Variants in VPS13D observed in about 807,000 individuals in gnomAD.
VPS13D encodes intermembrane lipid transfer protein VPS13D.
A neutral mutation model predicts 461.9 loss-of-function variants in VPS13D; 187 were observed. That is an observed-to-expected ratio of 0.40 (90% confidence interval 0.36 to 0.46). VPS13D has a LOEUF of 0.46. Among genes scored for constraint, VPS13D ranks in the 20% least tolerant of loss-of-function variants. The pLI is 0.60. For synonymous variants in VPS13D, 1,951 were observed against 1,986.3 expected (o/e 0.98, Z 0.47); for missense variants, 4,711 against 5,364.9 (o/e 0.88, Z 3.81).
At chr1:12,346,279 A>G (rs1643674043) in intron 43 of VPS13D, among the ~76,000 whole-genome samples, 1 of 152,046 alleles carries the variant, frequency 6.6e-6, no homozygotes, top group African/African-American at 2.4e-5. Context: ...ACAAAAAAAC[A>G]AAAACAAAAA....
chr1:12,263,706 TA>T (rs2101300685), intron 13 of VPS13D, among the ~76,000 whole-genome samples: 1 of 152,352 alleles, frequency 6.6e-6, no homozygotes, highest in African/African-American at 2.4e-5. Flanking sequence ...TGATTTTTTT[TA>T]AAAAGCCAGT....
intron 24 of VPS13D, among the ~76,000 whole-genome samples, chr1:12,294,805 C>T (rs537075443): frequency 4.0e-5 from 6 of 151,812 alleles, no homozygotes; most frequent in Middle Eastern, 6.8e-3. Context: ...AGCGAGACTC[C>T]GTCTCAAAAA....
At chr1:12,293,243 T>G (rs750972128) in intron 23 of VPS13D, among the ~76,000 whole-genome samples, 1 of 152,206 alleles carries the variant, frequency 6.6e-6, no homozygotes, top group Non-Finnish European at 1.5e-5. Context: ...AATACTTACC[T>G]TTCAGGGCAG....
chr1:12,322,647 G>T lies in VPS13D; in HGVS notation c.7816G>T (p.Ala2606Ser), dbSNP rs143611843. Reference sequence around the variant, plus strand: ...TAATGCTGCAGTGCCAGACTCAGTGGCCCTGGAGTCAGACTCCGTTGGCAC... The same window carrying T: ...TAATGCTGCAGTGCCAGACTCAGTGTCCCTGGAGTCAGACTCCGTTGGCAC... Reference protein sequence around the residue: ...QANAAVPDSVALESDSVGTYL... With the variant: ...QANAAVPDSVSLESDSVGTYL... The change falls in exon 34 of 70, where the codon GCC becomes TCC. Residue 2606 changes from alanine to serine, a missense_variant. By Grantham distance (99) the Ala-to-Ser change is moderately conservative. Coordinates refer to ENST00000620676, the MANE Select transcript of VPS13D (RefSeq NM_015378.4). 1.2e-6 allele frequency: 2 copies of T among 1,614,096 alleles called. No homozygotes were observed. Among genetic ancestry groups the T allele is most frequent in the Non-Finnish European group, 1.7e-6 (2 of 1,180,038 alleles).
chr1:12,247,404 G>A (rs1348187706), intron 5 of VPS13D, among the ~76,000 whole-genome samples: 3 of 145,476 alleles, frequency 2.1e-5, no homozygotes, highest in Non-Finnish European at 3.0e-5. Context: ...GCGACAAAGC[G>A]AGACTCCATC....
At chr1:12,270,923 A>AT in intron 16 of VPS13D, 71 bp from the exon 17 acceptor site, 4 of 1,574,006 alleles carry the variant, frequency 2.5e-6, no homozygotes, top group Non-Finnish European at 3.5e-6. Context: ...CTTGGTGAGA[A>AT]TTGATGTAGC....
In VPS13D at chr1:12,356,602, G is replaced by A. The variant is rs79773061; in HGVS notation, c.9998+78G>A. 2,811 of 1,531,564 alleles carry A rather than the reference G, an allele frequency of 1.8e-3. 37 individuals are homozygous for A. The African/African-American group carries it at 0.034, about 19-fold the overall frequency. The allele number at this position is 1,531,564 out of a possible 1,614,324, so 94.9% of individuals were successfully genotyped here. A position where few individuals can be genotyped will look rare whatever the true frequency, so the allele number is the denominator to read the frequency against. On this transcript the variant is annotated intron_variant, in intron 49 of 69. Transcript: ENST00000620676. The stretch of plus-strand genomic sequence containing the variant: ...AATTAGTAAAGGCTATAATATATCC[G>A]TGTAAGTAGAAATATACTGTAGATA...
chr1:12,351,144 C>T (rs1049250449), intron 46 of VPS13D, among the ~76,000 whole-genome samples: 3 of 152,168 alleles, frequency 2.0e-5, no homozygotes, highest in African/African-American at 7.2e-5. Flanking sequence ...TACACAAGAT[C>T]TCTCAGAAAA....
At chr1:12,321,296 A>G (rs964562667) in intron 32 of VPS13D, among the ~76,000 whole-genome samples, 1 of 152,194 alleles carries the variant, frequency 6.6e-6, no homozygotes, top group Non-Finnish European at 1.5e-5. Flanking sequence ...ATAATCATAT[A>G]TGATTTCTGA....
chr1:12,233,098 C>T (rs1196351980), intron 1 of VPS13D, among the ~76,000 whole-genome samples: 1 of 151,814 alleles, frequency 6.6e-6, no homozygotes, highest in African/African-American at 2.4e-5. Flanking sequence ...CTCTGCCTCC[C>T]GGGTTCAAGG....
Position 12,335,792 on chromosome 1 carries a change from T to C in VPS13D, c.8516T>C (p.Met2839Thr), listed in dbSNP as rs1029286239. Residue 2839 changes from methionine to threonine, a missense_variant, in exon 39 of 70, where the codon ATG (methionine) becomes ACG (threonine). Met to Thr is a moderately conservative substitution (Grantham distance 81, BLOSUM62 -1). Transcript: ENST00000620676. ...DIESAKSEDW[M>T]GSSVDPPCFG... ...GAGTCAGCTAAATCAGAAGACTGGA[T>C]GGGCTCTTCGGTGGATCCTCCATGT... is the stretch of plus-strand genomic sequence containing the variant. 1 of 1,614,206 alleles carries C rather than the reference T, an allele frequency of 6.2e-7. No individual in the cohort carries two copies. The highest frequency in any genetic ancestry group is 1.1e-5 in the South Asian group (1 of 91,086).
chr1:12,476,868 C>T (rs1186564441), intron 67 of VPS13D, among the ~76,000 whole-genome samples: 1 of 152,216 alleles, frequency 6.6e-6, no homozygotes, highest in East Asian at 1.9e-4. Flanking sequence ...CAGCTCCAAA[C>T]ACAGTAGACA....
chr1:12,479,789 AG>A (rs1645689261), intron 67 of VPS13D, among the ~76,000 whole-genome samples: 1 of 152,234 alleles, frequency 6.6e-6, no homozygotes, highest in African/African-American at 2.4e-5. Flanking sequence ...TATGAAGGGT[AG>A]GAGCTTAATA....
chr1:12,309,439 G>A (rs1260118984), intron 27 of VPS13D, among the ~76,000 whole-genome samples: 1 of 151,542 alleles, frequency 6.6e-6, no homozygotes, highest in Non-Finnish European at 1.5e-5. Context: ...TCGATCTCTT[G>A]ACCTCGTGAT....
chr1:12,245,856 CAT>C (rs1216275681), intron 5 of VPS13D, among the ~76,000 whole-genome samples: 1 of 152,246 alleles, frequency 6.6e-6, no homozygotes, highest in Non-Finnish European at 1.5e-5. Context: ...TAAATGGAAT[CAT>C]GTAATATATA....
At chr1:12,478,375 GGGAGGTT>G (rs1340600354) in intron 67 of VPS13D, among the ~76,000 whole-genome samples, 16 of 152,380 alleles carry the variant, frequency 1.1e-4, no homozygotes, top group Non-Finnish European at 2.2e-4. Flanking sequence ...ATCTGAAAGG[GGGAGGTT>G]CTGTGTCCCA....
At chr1:12,292,342 CT>C (rs1180876889) in intron 23 of VPS13D, among the ~76,000 whole-genome samples, 2 of 70,144 alleles carry the variant, frequency 2.9e-5, no homozygotes, top group Non-Finnish European at 5.8e-5. Flanking sequence ...TTTTTTTTTT[CT>C]TTTTTTTAAT....
chr1:12,243,009 G>A (rs376421531), intron 3 of VPS13D, among the ~76,000 whole-genome samples: 5 of 150,020 alleles, frequency 3.3e-5, no homozygotes, highest in East Asian at 1.9e-4. Context: ...CTGGAGTGCC[G>A]TGGTGCGATC....
intron 55 of VPS13D, among the ~76,000 whole-genome samples, chr1:12,374,623 A>T (rs1644171990): frequency 1.3e-5 from 2 of 151,918 alleles, no homozygotes; most frequent in South Asian, 4.1e-4. Flanking sequence ...TAAACCTCCT[A>T]TTTGTCATAT....
Sources: allele counts gnomAD v4.1 joint callset (sites outside exome capture counted in the v4.1 genomes callset), GRCh38; gene constraint gnomAD v4.1.1; transcripts MANE v1.5; gene names NCBI Gene and HGNC (gene_info 2026-07-23, HGNC 2026-07-21).